SLC24A3: variants seen among roughly 807,000 people sequenced by gnomAD.
SLC24A3 encodes solute carrier family 24 member 3.
A neutral mutation model predicts 75.8 loss-of-function variants in SLC24A3; 28 were observed. The observed-to-expected ratio is 0.37, with a 90% CI of 0.27 to 0.51. SLC24A3 has a LOEUF of 0.51. Among genes scored for constraint, SLC24A3 ranks in the 20% least tolerant of loss-of-function variants. The pLI, the probability that SLC24A3 is intolerant of heterozygous loss-of-function variation, is 0.94. For synonymous variants in SLC24A3, 372 were observed against 334.1 expected (o/e 1.11, Z -1.24); for missense variants, 663 against 847.8 (o/e 0.78, Z 2.71).
At chr20:19,552,244 C>T (rs1470516977) in intron 3 of SLC24A3, among the ~76,000 whole-genome samples, 2 of 152,172 alleles carry the variant, frequency 1.3e-5, no homozygotes, top group African/African-American at 4.8e-5. Flanking sequence ...CTCTCTCCAG[C>T]AGAGGCAAAA....
intron 6 of SLC24A3, among the ~76,000 whole-genome samples, chr20:19,600,907 C>A (rs73115825): frequency 6.6e-6 from 1 of 152,192 alleles, no homozygotes; most frequent in South Asian, 2.1e-4. Flanking sequence ...GTGATCCCCC[C>A]ACTTCTGCCT....
intron 2 of SLC24A3, among the ~76,000 whole-genome samples, chr20:19,318,624 T>G (rs1288959494): frequency 1.3e-5 from 2 of 152,120 alleles, no homozygotes; most frequent in Non-Finnish European, 2.9e-5. Flanking sequence ...AGAGGCCCCC[T>G]TGCAATCTCC....
chr20:19,702,105 A>T (rs1416061028), intron 15 of SLC24A3, among the ~76,000 whole-genome samples: 2 of 152,222 alleles, frequency 1.3e-5, no homozygotes, highest in Non-Finnish European at 1.5e-5. Flanking sequence ...CTAGACATGG[A>T]TATCAGGCCT....
chr20:19,606,798 G>C (rs1315886822), intron 6 of SLC24A3, among the ~76,000 whole-genome samples: 1 of 152,162 alleles, frequency 6.6e-6, no homozygotes, highest in Non-Finnish European at 1.5e-5. Flanking sequence ...GAATGAACTG[G>C]TGGTCAGAAC....
intron 2 of SLC24A3, among the ~76,000 whole-genome samples, chr20:19,299,410 C>T (rs556564186): frequency 1.4e-4 from 22 of 152,200 alleles, no homozygotes; most frequent in African/African-American, 5.3e-4. Context: ...TTTCTTCTTT[C>T]CTCATTCATC....
At chr20:19,561,119 G>A (rs910032942) in intron 3 of SLC24A3, among the ~76,000 whole-genome samples, 1 of 152,094 alleles carries the variant, frequency 6.6e-6, no homozygotes, top group Non-Finnish European at 1.5e-5. Flanking sequence ...TAATGTTTCT[G>A]TGGTTATGTA....
chr20:19,450,308 G>A lies in SLC24A3; in HGVS notation c.272-65180G>A, dbSNP rs60148202. Among the ~76,000 whole-genome samples, 94 of 152,268 alleles carry A rather than the reference G, an allele frequency of 6.2e-4. 1 individual carries two copies. The East Asian group carries it at 9.3e-3, about 15-fold the overall frequency. ...CTCCAGACAGCTCTCATGTAGGATGGGGTTGCATCCCTGGCACTTGTTACA... is the reference window on the plus strand; with the variant it reads ...CTCCAGACAGCTCTCATGTAGGATGAGGTTGCATCCCTGGCACTTGTTACA... On this transcript the variant is annotated intron_variant, in intron 2 of 16. Transcript: ENST00000328041.
chr20:19,583,336 G>T (rs2031246182), intron 4 of SLC24A3, among the ~76,000 whole-genome samples: 1 of 152,118 alleles, frequency 6.6e-6, no homozygotes, highest in African/African-American at 2.4e-5. Flanking sequence ...AAGGGTATTT[G>T]GTGAGAGAAT....
intron 1 of SLC24A3, among the ~76,000 whole-genome samples, chr20:19,226,222 A>G (rs995145202): frequency 6.6e-6 from 1 of 152,160 alleles, no homozygotes; most frequent in African/African-American, 2.4e-5. Flanking sequence ...GATTGCATGG[A>G]TTGATTTTCA....
intron 3 of SLC24A3, among the ~76,000 whole-genome samples, chr20:19,576,591 G>A (rs1056238771): frequency 4.6e-5 from 7 of 152,108 alleles, no homozygotes; most frequent in Admixed American, 2.0e-4. Flanking sequence ...GAGCATCCCC[G>A]CCTCATGCTG....
At chr20:19,457,909 G>A (rs544941932) in intron 2 of SLC24A3, among the ~76,000 whole-genome samples, 31 of 152,322 alleles carry the variant, frequency 2.0e-4, no homozygotes, top group African/African-American at 7.0e-4. Flanking sequence ...TTCAGAGGTG[G>A]CAAAGCCTTG....
At chr20:19,239,482 C>A (rs1461179968) in intron 1 of SLC24A3, among the ~76,000 whole-genome samples, 1 of 152,192 alleles carries the variant, frequency 6.6e-6, no homozygotes, top group Non-Finnish European at 1.5e-5. Flanking sequence ...AAGGGGCCAG[C>A]TGAACACAAG....
intron 2 of SLC24A3, among the ~76,000 whole-genome samples, chr20:19,407,322 G>A (rs139425796): frequency 4.6e-5 from 7 of 152,190 alleles, no homozygotes; most frequent in Admixed American, 6.5e-5. Flanking sequence ...GAAAGCATTC[G>A]CCATCTTTAG....
In SLC24A3 at chr20:19,213,156, A is replaced by C. The variant is rs564967114; in HGVS notation, c.142+172A>C. The C allele has an allele frequency of 1.5e-4, 104 of 709,356 alleles. 2 individuals are homozygous for C. The African/African-American group carries it at 1.9e-3, about 13-fold the overall frequency. 43.9% of individuals were successfully genotyped at this position (709,356 alleles called of 1,614,324 possible). A position where few individuals can be genotyped will look rare whatever the true frequency, so the allele number is the denominator to read the frequency against. On this transcript the variant is annotated intron_variant, in intron 1 of 16. Coordinates refer to ENST00000328041, the MANE Select transcript of SLC24A3 (RefSeq NM_020689.4). ...CGAGGACTCCCCCTGCCCCACGCAG[A>C]GGCATGGAGGTGGGGACCCTGAGCG...
intron 2 of SLC24A3, among the ~76,000 whole-genome samples, chr20:19,361,815 T>C (rs1296098430): frequency 6.6e-6 from 1 of 152,206 alleles, no homozygotes; most frequent in East Asian, 1.9e-4. Flanking sequence ...TGTCATAGAA[T>C]CTAGGTGCTG....
At chr20:19,310,472 A>G (rs6035292) in intron 2 of SLC24A3, among the ~76,000 whole-genome samples, 23,508 of 152,200 alleles carry the variant, frequency 0.15, 4,440 homozygotes, top group African/African-American at 0.43. Context: ...TCTGAATGAG[A>G]GCTTGAGAAA....
intron 1 of SLC24A3, among the ~76,000 whole-genome samples, chr20:19,258,463 T>TGGGAGGCTGAGGTGGGCGGATC (rs1982880887): frequency 6.6e-6 from 1 of 152,202 alleles, no homozygotes; most frequent in African/African-American, 2.4e-5. Flanking sequence ...CCTAGCACTT[T>TGGGAGGCTGAGGTGGGCGGATC]GGGAGGCTGA....
chr20:19,252,615 A>G (rs1463153746), intron 1 of SLC24A3, among the ~76,000 whole-genome samples: 1 of 147,496 alleles, frequency 6.8e-6, no homozygotes, highest in Admixed American at 6.9e-5. Flanking sequence ...TTCAGCTTAA[A>G]AAAACAAAAA....
In SLC24A3 at chr20:19,399,924, C is replaced by T. The variant is rs138794769; in HGVS notation, c.272-115564C>T. ...TCGATGTCACTAATCTTTTATTAGA[C>T]GAAACATCTAATCTGCTGTTAATCT... On this transcript the variant is annotated intron_variant, in intron 2 of 16. Transcript: ENST00000328041. 5.9e-5 allele frequency among the ~76,000 whole-genome samples: 9 copies of T among 152,262 alleles called. No individual in the cohort carries two copies. In the East Asian group the frequency reaches 9.7e-4, roughly 16 times the overall value.
Sources: allele counts gnomAD v4.1 joint callset (sites outside exome capture counted in the v4.1 genomes callset), GRCh38; gene constraint gnomAD v4.1.1; transcripts MANE v1.5; gene names NCBI Gene and HGNC (gene_info 2026-07-23, HGNC 2026-07-21).